ASIC2: variants seen among roughly 807,000 people sequenced by gnomAD.
ASIC2 encodes acid sensing ion channel subunit 2, also known as acid-sensing ion channel 2.
A neutral mutation model predicts 57.3 loss-of-function variants in ASIC2; 25 were observed. The observed-to-expected ratio is 0.44, with a 90% CI of 0.32 to 0.61. The LOEUF is 0.61. Ranked by LOEUF, ASIC2 falls within the 20% of genes least tolerant of loss-of-function variation. The pLI is 0.06. For synonymous variants in ASIC2, 319 were observed against 307.5 expected (o/e 1.04, Z -0.39); for missense variants, 641 against 738.1 (o/e 0.87, Z 1.52).
At chr17:33,971,284 T>C (rs1054767069) in intron 1 of ASIC2, among the ~76,000 whole-genome samples, 4 of 152,000 alleles carry the variant, frequency 2.6e-5, no homozygotes, top group Admixed American at 6.6e-5. Flanking sequence ...CAAAACACGA[T>C]AAAACACCAA....
chr17:33,757,214 C>G (rs949844860), intron 1 of ASIC2, among the ~76,000 whole-genome samples: 5 of 152,226 alleles, frequency 3.3e-5, no homozygotes, highest in African/African-American at 1.2e-4. Context: ...CTGGAAGATT[C>G]TCTTTGCTGT....
intron 1 of ASIC2, among the ~76,000 whole-genome samples, chr17:33,900,783 A>C (rs1249539835): frequency 6.6e-6 from 1 of 152,184 alleles, no homozygotes; most frequent in Non-Finnish European, 1.5e-5. Flanking sequence ...GGGGCTGCCC[A>C]TTCAACTGTC....
chr17:33,263,067 CT>C (rs1012104899), intron 1 of ASIC2, among the ~76,000 whole-genome samples: 3 of 152,222 alleles, frequency 2.0e-5, no homozygotes, highest in African/African-American at 7.2e-5. Flanking sequence ...CATTCATTAA[CT>C]GGACTGTGAG....
At chr17:33,877,382 T>G (rs1051223966) in intron 1 of ASIC2, among the ~76,000 whole-genome samples, 3 of 152,020 alleles carry the variant, frequency 2.0e-5, no homozygotes, top group Non-Finnish European at 2.9e-5. Context: ...AAGAACAGGG[T>G]GACAGACGGC....
chr17:33,299,811 C>A (rs1019547712), intron 1 of ASIC2, among the ~76,000 whole-genome samples: 2 of 152,192 alleles, frequency 1.3e-5, no homozygotes, highest in African/African-American at 4.8e-5. Flanking sequence ...GGAAGTGTGG[C>A]TGAAGCGTTG....
intron 1 of ASIC2, among the ~76,000 whole-genome samples, chr17:34,046,867 T>G (rs1438748722): frequency 2.6e-5 from 4 of 152,184 alleles, no homozygotes; most frequent in Non-Finnish European, 1.5e-5. Flanking sequence ...CCCTGTCTGT[T>G]AGATTTACTC....
chr17:33,141,811 G>A (rs1199912683), intron 1 of ASIC2, among the ~76,000 whole-genome samples: 1 of 152,198 alleles, frequency 6.6e-6, no homozygotes, highest in Non-Finnish European at 1.5e-5. Context: ...AACTCATCAT[G>A]TTTCCATGCG....
chr17:33,660,367 A>G (rs909958521), intron 1 of ASIC2, among the ~76,000 whole-genome samples: 3 of 152,192 alleles, frequency 2.0e-5, no homozygotes, highest in Non-Finnish European at 2.9e-5. Context: ...TGACTCTTGT[A>G]GTAGCACTTA....
intron 1 of ASIC2, among the ~76,000 whole-genome samples, chr17:33,114,654 C>T (rs1288536137): frequency 6.6e-6 from 1 of 152,144 alleles, no homozygotes; most frequent in South Asian, 2.1e-4. Context: ...CAAAGCATGC[C>T]CAGTGCCATT....
intron 1 of ASIC2, among the ~76,000 whole-genome samples, chr17:33,939,490 T>G (rs1156874365): frequency 1.3e-5 from 2 of 152,220 alleles, no homozygotes; most frequent in African/African-American, 4.8e-5. Flanking sequence ...TGAGAAAGCC[T>G]GGAACTAGAC....
chr17:33,234,793 C>T (rs1178611680), intron 1 of ASIC2, among the ~76,000 whole-genome samples: 1 of 152,208 alleles, frequency 6.6e-6, no homozygotes, highest in Non-Finnish European at 1.5e-5. Flanking sequence ...GTGAGGGCTC[C>T]ACCCCACGAC....
intron 1 of ASIC2, among the ~76,000 whole-genome samples, chr17:33,223,616 A>C (rs1040549600): frequency 1.3e-5 from 2 of 152,266 alleles, no homozygotes; most frequent in African/African-American, 4.8e-5. Context: ...GCATGGCTTC[A>C]AAAAGGGAAT....
At chr17:34,068,190 G>C (rs1319504482) in intron 1 of ASIC2, among the ~76,000 whole-genome samples, 2 of 152,200 alleles carry the variant, frequency 1.3e-5, no homozygotes, top group East Asian at 1.9e-4. Context: ...TTCTTTCTTC[G>C]ACACTAAGGT....
intron 1 of ASIC2, among the ~76,000 whole-genome samples, chr17:33,786,148 G>A (rs2142132545): frequency 6.6e-6 from 1 of 152,242 alleles, no homozygotes; most frequent in East Asian, 1.9e-4. Context: ...CATAAACCAG[G>A]CAGAGTAACA....
At position 34,156,121 on chromosome 17, in the gene ASIC2, G is replaced by T. The variant is rs565904010; in HGVS notation, c.412C>A (p.Arg138=). Reference sequence around the variant, plus strand: ...TAGTGCTTGAAGTTGGCCTTCTGCCGCAGGGCCTCCAGCACGGAGGGGTCA... The same window carrying T: ...TAGTGCTTGAAGTTGGCCTTCTGCCTCAGGGCCTCCAGCACGGAGGGGTCA... Residue 138 remains arginine, a synonymous_variant, in exon 1 of 10, where the codon CGG becomes AGG. Coordinates refer to the ASIC2 transcript ENST00000359872. The surrounding 1 kb of genome is among the most constrained non-coding windows in gnomAD (Gnocchi z 4.4). The T allele has an allele frequency of 2.2e-5, 35 of 1,613,970 alleles. No individual in the cohort carries two copies. Among genetic ancestry groups the T allele is most frequent in the South Asian group, 4.4e-5 (4 of 91,074 alleles).
intron 1 of ASIC2, among the ~76,000 whole-genome samples, chr17:33,434,696 A>C (rs1000283788): frequency 1.3e-5 from 2 of 152,238 alleles, no homozygotes; most frequent in African/African-American, 4.8e-5. Flanking sequence ...TTACTAGAGA[A>C]TAAGCTTCAG....
intron 1 of ASIC2, among the ~76,000 whole-genome samples, chr17:33,760,256 T>C (rs1434909699): frequency 6.6e-6 from 1 of 152,126 alleles, no homozygotes; most frequent in African/African-American, 2.4e-5. Flanking sequence ...TCTGCTGGAA[T>C]GAAAGCAGGA....
chr17:33,518,629 T>C (rs1389441921), intron 1 of ASIC2, among the ~76,000 whole-genome samples: 5 of 152,218 alleles, frequency 3.3e-5, no homozygotes, highest in Non-Finnish European at 5.9e-5. Flanking sequence ...TAAAAAACAA[T>C]AGCACCTTCA....
At chr17:33,694,281 G>T (rs1434798469) in intron 1 of ASIC2, among the ~76,000 whole-genome samples, 1 of 152,160 alleles carries the variant, frequency 6.6e-6, no homozygotes, top group Non-Finnish European at 1.5e-5. Flanking sequence ...ATATGAAAAT[G>T]CGTTCCATCC....
Sources: gnomAD v4.1 joint callset for allele counts (sites outside exome capture counted in the v4.1 genomes callset) on GRCh38, gnomAD v4.1.1 for gene constraint, Gnocchi (gnomAD v3.1) non-coding constraint, MANE v1.5 for transcripts, NCBI Gene and HGNC (gene_info 2026-07-23, HGNC 2026-07-21) for gene names.